MACROD2: variants seen among roughly 807,000 people sequenced by gnomAD.
The protein encoded by MACROD2 is ADP-ribose glycohydrolase MACROD2.
Under a neutral mutation model 70.4 loss-of-function variants are expected in MACROD2, and 36 were observed. That is an observed-to-expected ratio of 0.51 (90% CI 0.39 to 0.68). MACROD2 has a LOEUF of 0.68. Ranked by LOEUF, MACROD2 falls within the 30% of genes least tolerant of loss-of-function variation. The probability of loss-of-function intolerance (pLI) is 0.00; values close to 1 mark genes in which losing one functional copy is unlikely to be tolerated. For missense variants in MACROD2, 496 were observed against 538.4 expected (o/e 0.92, Z 0.78); for synonymous variants, 172 against 178.8 (o/e 0.96, Z 0.30).
At chr20:14,988,757 A>G (rs1037603355) in intron 5 of MACROD2, among the ~76,000 whole-genome samples, 1 of 152,216 alleles carries the variant, frequency 6.6e-6, no homozygotes, top group Non-Finnish European at 1.5e-5. Flanking sequence ...ATTGAAAACT[A>G]TCTAATAAAG....
chr20:14,262,718 G>A (rs1011209274), intron 3 of MACROD2, among the ~76,000 whole-genome samples: 7 of 152,152 alleles, frequency 4.6e-5, no homozygotes, highest in African/African-American at 1.7e-4. Flanking sequence ...GAAAGAAAAG[G>A]TTTAATAAGA....
At chr20:14,020,821 C>T (rs970597068) in intron 2 of MACROD2, among the ~76,000 whole-genome samples, 1 of 152,062 alleles carries the variant, frequency 6.6e-6, no homozygotes, top group African/African-American at 2.4e-5. Flanking sequence ...CAGGAGTTCT[C>T]CCAGTTTTTG....
At chr20:14,337,351 A>G (rs1369227918) in intron 3 of MACROD2, 1 of 332,916 alleles carries the variant, frequency 3.0e-6, no homozygotes, top group East Asian at 4.4e-5. Flanking sequence ...TAGAGAGTAA[A>G]ACCAAGCAAA....
chr20:14,522,223 C>T (rs2085176595), intron 4 of MACROD2, among the ~76,000 whole-genome samples: 2 of 152,044 alleles, frequency 1.3e-5, no homozygotes, highest in African/African-American at 4.8e-5. Flanking sequence ...ATCAAGATGG[C>T]CATACATAAC....
chr20:15,447,702 C>G (rs1043186477), intron 7 of MACROD2, among the ~76,000 whole-genome samples: 2 of 152,160 alleles, frequency 1.3e-5, no homozygotes, highest in African/African-American at 2.4e-5. Flanking sequence ...TATCTTGTCT[C>G]TAGCAGTAGC....
chr20:15,420,720 A>G (rs1179747780), intron 6 of MACROD2, among the ~76,000 whole-genome samples: 1 of 152,128 alleles, frequency 6.6e-6, no homozygotes, highest in Non-Finnish European at 1.5e-5. Context: ...TCTTTAACCT[A>G]ATGGTTAAGT....
chr20:14,134,817 A>AAAG (rs1303246304), intron 3 of MACROD2, among the ~76,000 whole-genome samples: 1 of 151,418 alleles, frequency 6.6e-6, no homozygotes, highest in Non-Finnish European at 1.5e-5. Flanking sequence ...AAAAAAAAAA[A>AAAG]AAAAACAGCT....
chr20:15,458,762 C>T (rs917454381), intron 7 of MACROD2, among the ~76,000 whole-genome samples: 1 of 151,876 alleles, frequency 6.6e-6, no homozygotes, highest in East Asian at 1.9e-4. Flanking sequence ...GTTTCTGCCT[C>T]ATCGTATACA....
At chr20:14,559,805 T>C (rs1979304711) in intron 4 of MACROD2, among the ~76,000 whole-genome samples, 1 of 151,840 alleles carries the variant, frequency 6.6e-6, no homozygotes, top group African/African-American at 2.4e-5. Context: ...GCATGACTTG[T>C]ACATACCCTT....
chr20:15,886,705 A>C (rs1601060253), intron 10 of MACROD2, among the ~76,000 whole-genome samples: 1 of 152,236 alleles, frequency 6.6e-6, no homozygotes, highest in East Asian at 1.9e-4. Context: ...TTGATAATAA[A>C]GGCATAAATC....
At chr20:15,495,797 G>C (rs2047289549) in intron 7 of MACROD2, among the ~76,000 whole-genome samples, 1 of 152,168 alleles carries the variant, frequency 6.6e-6, no homozygotes, top group South Asian at 2.1e-4. Context: ...GGTCTGTGAG[G>C]TAAAGGTACA....
intron 2 of MACROD2, among the ~76,000 whole-genome samples, chr20:14,057,069 A>G (rs2053638783): frequency 6.6e-6 from 1 of 152,180 alleles, no homozygotes; most frequent in South Asian, 2.1e-4. Context: ...GGGAAAAACA[A>G]TGAAACTTGA....
At chr20:15,297,050 T>A (rs2077596447) in intron 6 of MACROD2, among the ~76,000 whole-genome samples, 1 of 152,174 alleles carries the variant, frequency 6.6e-6, no homozygotes, top group African/African-American at 2.4e-5. Context: ...TACCCTGTGG[T>A]TTCCAGTGCT....
At chr20:14,548,153 G>C (rs1027363987) in intron 4 of MACROD2, among the ~76,000 whole-genome samples, 3 of 152,132 alleles carry the variant, frequency 2.0e-5, no homozygotes, top group Admixed American at 6.5e-5. Context: ...TGGAGACTTG[G>C]CCCCTTCACA....
intron 6 of MACROD2, among the ~76,000 whole-genome samples, chr20:15,288,975 T>C (rs2077517683): frequency 1.3e-5 from 2 of 152,168 alleles, no homozygotes; most frequent in African/African-American, 4.8e-5. Flanking sequence ...TCTGACACTA[T>C]TGACCAATAT....
Position 14,485,430 on chromosome 20 carries a change from G to A in MACROD2, c.272-8049G>A, listed in dbSNP as rs183711084. On this transcript the variant is annotated intron_variant, in intron 3 of 17. Coordinates refer to ENST00000684519, the MANE Select transcript of MACROD2 (RefSeq NM_001351661.2). ...TTATAAGAACATGGAGGCCAGGCGTGGTGGCTCACGCCTGTAATCCCAGCA... is the reference window on the plus strand; with the variant it reads ...TTATAAGAACATGGAGGCCAGGCGTAGTGGCTCACGCCTGTAATCCCAGCA... Among the ~76,000 whole-genome samples the A allele has an allele frequency of 6.5e-3, 988 of 152,260 alleles. 10 individuals carry two copies. The highest frequency in any genetic ancestry group is 0.022 in the African/African-American group (913 of 41,550).
intron 3 of MACROD2, among the ~76,000 whole-genome samples, chr20:14,285,910 G>A (rs2082340003): frequency 6.6e-6 from 1 of 151,886 alleles, no homozygotes; most frequent in Non-Finnish European, 1.5e-5. Context: ...ATACTGGGAT[G>A]GAACTTTGGG....
intron 5 of MACROD2, among the ~76,000 whole-genome samples, chr20:14,785,873 C>T (rs2072363880): frequency 6.6e-6 from 1 of 151,984 alleles, no homozygotes; most frequent in Non-Finnish European, 1.5e-5. Context: ...CATCAATCAC[C>T]TCTTTGTTCC....
At chr20:14,725,484 A>C (rs1203527446) in intron 5 of MACROD2, among the ~76,000 whole-genome samples, 2 of 152,170 alleles carry the variant, frequency 1.3e-5, no homozygotes, top group Admixed American at 6.5e-5. Context: ...TAGAAAGAAA[A>C]ATAGAATATG....
Sources: allele counts gnomAD v4.1 joint callset (sites outside exome capture counted in the v4.1 genomes callset), GRCh38; gene constraint gnomAD v4.1.1; transcripts MANE v1.5; gene names NCBI Gene and HGNC (gene_info 2026-07-23, HGNC 2026-07-21).